ITPK1: variants seen among roughly 807,000 people sequenced by gnomAD.
ITPK1 encodes the protein inositol-tetrakisphosphate 1-kinase, also known as inositol 1,3,4-trisphosphate 5/6-kinase.
Under a neutral mutation model 45.3 loss-of-function variants are expected in ITPK1, and 21 were observed. That is an observed-to-expected ratio of 0.46 (90% CI 0.33 to 0.67). The LOEUF (loss-of-function observed/expected upper bound fraction) is 0.67. Ranked by LOEUF, ITPK1 falls within the 30% of genes least tolerant of loss-of-function variation. ITPK1 has a pLI of 0.02. For synonymous variants in ITPK1, 258 were observed against 253.6 expected (o/e 1.02, Z -0.16); for missense variants, 474 against 573.5 (o/e 0.83, Z 1.77).
At chr14:92,988,410 C>T (rs376041839) in intron 5 of ITPK1, among the ~76,000 whole-genome samples, 4 of 152,340 alleles carry the variant, frequency 2.6e-5, no homozygotes, top group African/African-American at 9.6e-5. Flanking sequence ...TGGCCCAGCC[C>T]CCCGAGGGGC....
intron 5 of ITPK1, among the ~76,000 whole-genome samples, chr14:92,963,467 TC>T (rs933276525): frequency 6.6e-6 from 1 of 152,208 alleles, no homozygotes; most frequent in Non-Finnish European, 1.5e-5. Context: ...GCCTGACCCC[TC>T]ACCTGCAGAC....
chr14:93,091,644 C>A (rs771430714), intron 2 of ITPK1, among the ~76,000 whole-genome samples: 36 of 152,308 alleles, frequency 2.4e-4, no homozygotes, highest in Non-Finnish European at 4.3e-4. Flanking sequence ...ACTCAGGACA[C>A]TGCCAGAGGG....
intron 2 of ITPK1, among the ~76,000 whole-genome samples, chr14:93,098,364 G>C (rs1892171250): frequency 6.6e-6 from 1 of 152,008 alleles, no homozygotes; most frequent in Non-Finnish European, 1.5e-5. Flanking sequence ...GGTTGAGGCA[G>C]GAGAATGGCG....
chr14:93,065,482 C>T (rs1295526266), intron 3 of ITPK1, among the ~76,000 whole-genome samples: 2 of 152,190 alleles, frequency 1.3e-5, no homozygotes, highest in Admixed American at 6.5e-5. Context: ...TGACCTCACT[C>T]CTGGAACTCT....
At chr14:92,967,875 AAG>A (rs1306189259) in intron 5 of ITPK1, among the ~76,000 whole-genome samples, 8 of 152,332 alleles carry the variant, frequency 5.3e-5, no homozygotes, top group African/African-American at 1.9e-4. Context: ...GAGACAAAAA[AAG>A]AGATTAATGG....
rs1000665959 is a variant in ITPK1, at chr14:93,036,097, G to T, written c.121-19296C>A. Among the ~76,000 whole-genome samples, 2 of 152,208 alleles carry T rather than the reference G, an allele frequency of 1.3e-5. No homozygotes were observed. The highest frequency in any genetic ancestry group is 4.8e-5 in the African/African-American group (2 of 41,454). ...GCCACCCTTTCCAAGAAAGGGCTAC[G>T]AAAGCAATGGTGGCGTCAGTGAGAC... On this transcript the variant is annotated intron_variant, in intron 3 of 10. Coordinates refer to ENST00000267615, the MANE Select transcript of ITPK1 (RefSeq NM_014216.6). This position sits in a 1 kb window ranked among gnomAD's most constrained non-coding sequence, Gnocchi z 4.1.
intron 3 of ITPK1, chr14:93,072,174 C>T (rs1050425075): frequency 2.0e-5 from 3 of 150,114 alleles, no homozygotes; most frequent in Admixed American, 6.6e-5. Context: ...TGGTGGCAGG[C>T]ACCTGTAACC....
At chr14:92,994,380 G>C (rs1886945825) in intron 4 of ITPK1, among the ~76,000 whole-genome samples, 1 of 152,162 alleles carries the variant, frequency 6.6e-6, no homozygotes, top group East Asian at 1.9e-4. Flanking sequence ...GTGGGATGAG[G>C]CCAGGAGTCA....
intron 5 of ITPK1, among the ~76,000 whole-genome samples, chr14:92,964,043 C>G (rs1389713294): frequency 6.6e-6 from 1 of 152,220 alleles, no homozygotes; most frequent in Non-Finnish European, 1.5e-5. Flanking sequence ...GATCCAGCCT[C>G]ATTTATGTCA....
In ITPK1 at chr14:92,977,600, G is replaced by C. The variant is rs111378376; in HGVS notation, c.365-14751C>G. On this transcript the variant is annotated intron_variant, in intron 5 of 10. Coordinates refer to ENST00000267615, the MANE Select transcript of ITPK1 (RefSeq NM_014216.6). ...GATCATGGGGGTGGATTTCCCCCTC[G>C]CTGTTCTCATGACATGAGTGAGTTC... Among the ~76,000 whole-genome samples, 227 of 149,594 alleles carry C rather than the reference G, an allele frequency of 1.5e-3. 6 individuals carry two copies. The highest frequency in any genetic ancestry group is 5.4e-3 in the African/African-American group (211 of 39,040).
chr14:92,954,928 T>G (rs1321178304), intron 8 of ITPK1, among the ~76,000 whole-genome samples: 6 of 152,206 alleles, frequency 3.9e-5, no homozygotes, highest in Non-Finnish European at 8.8e-5. Flanking sequence ...TCAGAACCCC[T>G]TATCTCAGGC....
chr14:92,938,899 A>G lies in ITPK1; in HGVS notation c.*2662T>C. Reference sequence around the variant, plus strand: ...CCAGGGTGCTCAATGCAGACTGTGCAGGTGACCCTCTGAAACTACCCAAGG... The same window carrying G: ...CCAGGGTGCTCAATGCAGACTGTGCGGGTGACCCTCTGAAACTACCCAAGG... On this transcript the variant is annotated 3_prime_UTR_variant, in exon 11 of 11. Coordinates refer to ENST00000267615, the MANE Select transcript of ITPK1 (RefSeq NM_014216.6). The G allele has an allele frequency of 3.3e-6, 1 of 307,348 alleles. No individual in the cohort carries two copies. The highest frequency in any genetic ancestry group is 7.7e-5 in the East Asian group (1 of 12,970). 19.0% of individuals were successfully genotyped at this position (307,348 alleles called of 1,614,324 possible).
intron 3 of ITPK1, among the ~76,000 whole-genome samples, chr14:93,040,830 G>GAACT (rs1889529737): frequency 6.6e-6 from 1 of 152,164 alleles, no homozygotes; most frequent in Non-Finnish European, 1.5e-5. Context: ...GGAGGCAGGA[G>GAACT]AACTAGAAGC....
At chr14:92,952,150 C>G in intron 8 of ITPK1, 137 bp from the exon 9 acceptor site, 1 of 695,634 alleles carries the variant, frequency 1.4e-6, no homozygotes, top group South Asian at 1.7e-5. Context: ...TGGGCTCCAG[C>G]AAGCTGGGCA....
At chr14:93,042,944 G>A (rs1233371301) in intron 3 of ITPK1, among the ~76,000 whole-genome samples, 3 of 152,118 alleles carry the variant, frequency 2.0e-5, no homozygotes, top group Non-Finnish European at 4.4e-5. Flanking sequence ...CTTGAACCCA[G>A]GAGGCGGAGG....
intron 6 of ITPK1, 66 bp from the exon 7 acceptor site, chr14:92,962,461 T>C: frequency 9.3e-7 from 1 of 1,081,014 alleles, no homozygotes; most frequent in South Asian, 1.3e-5. Flanking sequence ...GGCAGGTACT[T>C]GGCACGTCTA....
At chr14:93,088,336 G>GTTTTTTTTTTTTTTT (rs764902793) in intron 2 of ITPK1, among the ~76,000 whole-genome samples, 2 of 126,632 alleles carry the variant, frequency 1.6e-5, no homozygotes, top group Non-Finnish European at 1.5e-5. Context: ...TTTTGGTTTT[G>GTTTTTTTTTTTTTTT]TTTTGTTTTT....
intron 5 of ITPK1, among the ~76,000 whole-genome samples, chr14:92,964,500 A>G (rs1272448109): frequency 1.3e-5 from 2 of 152,240 alleles, no homozygotes; most frequent in African/African-American, 2.4e-5. Context: ...CAGGCCCTCC[A>G]TGGCTGTCAA....
At chr14:92,989,008 C>T (rs191593698) in intron 5 of ITPK1, among the ~76,000 whole-genome samples, 2 of 152,048 alleles carry the variant, frequency 1.3e-5, no homozygotes, top group Admixed American at 1.3e-4. Context: ...CAAGTCCCCA[C>T]CCCTCTGCAG....
Sources: gnomAD v4.1 joint callset for allele counts (sites outside exome capture counted in the v4.1 genomes callset) on GRCh38, gnomAD v4.1.1 for gene constraint, Gnocchi (gnomAD v3.1) non-coding constraint, MANE v1.5 for transcripts, NCBI Gene and HGNC (gene_info 2026-07-23, HGNC 2026-07-21) for gene names.